COPS2: variants seen among roughly 807,000 people sequenced by gnomAD.
COPS2 encodes the protein COP9 signalosome subunit 2.
A neutral mutation model predicts 66.1 loss-of-function variants in COPS2; 10 were observed. The ratio of observed to expected loss-of-function variants is 0.15; its 90% CI spans 0.09 to 0.26. The LOEUF (loss-of-function observed/expected upper bound fraction) is 0.26, where lower values mean the gene tolerates loss of function less well. Among genes scored for constraint, COPS2 ranks in the 10% least tolerant of loss-of-function variants. The probability of loss-of-function intolerance (pLI) is 1.00; values close to 1 mark genes in which losing one functional copy is unlikely to be tolerated. For missense variants in COPS2, 215 were observed against 513.3 expected (o/e 0.42, Z 5.62); for synonymous variants, 179 against 171.3 (o/e 1.04, Z -0.35).
At chr15:49,141,461 G>A (rs1049371646) in intron 3 of COPS2, among the ~76,000 whole-genome samples, 6 of 151,948 alleles carry the variant, frequency 3.9e-5, no homozygotes, top group Middle Eastern at 3.4e-3. Context: ...CCAAGACTGC[G>A]CCACTGCACT....
intron 1 of COPS2, among the ~76,000 whole-genome samples, chr15:49,145,589 T>A (rs979879126): frequency 1.3e-5 from 2 of 152,158 alleles, no homozygotes; most frequent in Admixed American, 6.5e-5. Flanking sequence ...TATAATTATG[T>A]TAATAAGAAT....
intron 10 of COPS2, among the ~76,000 whole-genome samples, chr15:49,129,977 C>A (rs1260563845): frequency 6.6e-6 from 1 of 152,024 alleles, no homozygotes; most frequent in East Asian, 1.9e-4. Context: ...TACAATAGTT[C>A]TTAAAATTTT....
rs534088139 is a variant in COPS2, at chr15:49,144,873, A to G, written c.168+92T>C. ...GATAGGATAATTAAGTATTCAAAACACATTTCTGAGATAAAATCACCTGGG... is the reference window on the plus strand; with the variant it reads ...GATAGGATAATTAAGTATTCAAAACGCATTTCTGAGATAAAATCACCTGGG... On this transcript the variant is annotated intron_variant, in intron 2 of 12. Transcript: ENST00000388901. 4.3e-6 allele frequency: 3 copies of G among 690,376 alleles called. No homozygotes were observed. The African/African-American group carries it at 5.6e-5, about 13-fold the overall frequency. 42.8% of individuals were successfully genotyped at this position (690,376 alleles called of 1,614,324 possible).
intron 3 of COPS2, among the ~76,000 whole-genome samples, chr15:49,141,494 A>C (rs1302024619): frequency 6.6e-6 from 1 of 152,062 alleles, no homozygotes; most frequent in African/African-American, 2.4e-5. Flanking sequence ...ACAGAGCAAG[A>C]CTTCATCTCA....
rs370391204 is a variant in COPS2 at position 49,128,054 on chromosome 15, C to G, written c.1228G>C (p.Glu410Gln). 2 of 1,613,708 alleles carry G rather than the reference C, an allele frequency of 1.2e-6. No individual in the cohort carries two copies. The highest frequency in any genetic ancestry group is 1.7e-6 in the Non-Finnish European group (2 of 1,179,822). ...CCACCCCTCTTCTGATGATCCAGTT[C>G]AAGGAGTTGGTTGACTTGATCAATT... is the stretch of plus-strand genomic sequence containing the variant. ...GRIDQVNQLL[E>Q]LDHQKRGGAR... The change falls in exon 13 of 13, where the codon GAA becomes CAA. Residue 410 changes from glutamate to glutamine, a missense_variant. Glu to Gln is a conservative substitution (Grantham distance 29). Around this residue, in one of 5 missense-constraint regions of COPS2, gnomAD observed 42 missense variants for 55.9 expected, o/e 0.75. Coordinates refer to ENST00000388901, the MANE Select transcript of COPS2 (RefSeq NM_004236.4).
rs2084142849 is a variant in COPS2 at position 49,123,870 on chromosome 15, A to G, written c.*4080T>C. The G allele has an allele frequency of 6.6e-6, 1 of 152,200 alleles. No individual in the cohort carries two copies. The allele number at this position is 152,200 out of a possible 1,614,324, so 9.4% of individuals were successfully genotyped here. On this transcript the variant is annotated 3_prime_UTR_variant, in exon 13 of 13. Coordinates refer to ENST00000388901, the MANE Select transcript of COPS2 (RefSeq NM_004236.4). ...ATCTCCTTAAAATTCAAAAGCAAGT[A>G]AGTGATGCTAAACTTTAGCATTTTG...
At chr15:49,141,982 G>A (rs914707736) in intron 3 of COPS2, among the ~76,000 whole-genome samples, 2 of 152,154 alleles carry the variant, frequency 1.3e-5, no homozygotes, top group Non-Finnish European at 2.9e-5. Flanking sequence ...GAACCTACGA[G>A]TTAAACATTC....
intron 3 of COPS2, among the ~76,000 whole-genome samples, chr15:49,140,160 ATT>A (rs879828608): frequency 5.8e-5 from 8 of 138,620 alleles, no homozygotes; most frequent in Admixed American, 7.2e-5. Context: ...CTAATTTTGT[ATT>A]TTTTTTTTTT....
chr15:49,136,086 T>C (rs867951606), intron 6 of COPS2, among the ~76,000 whole-genome samples: 10 of 152,158 alleles, frequency 6.6e-5, no homozygotes, highest in African/African-American at 9.7e-5. Flanking sequence ...AACAAAACTA[T>C]TGAATATCTG....
At position 49,155,444 on chromosome 15, in the gene COPS2, GGA is replaced by G. The variant is rs2084419912; in HGVS notation, c.54+79_54+80del. 6 of 1,321,458 alleles carry G rather than the reference GGA, an allele frequency of 4.5e-6. No individual in the cohort carries two copies. The South Asian group carries it at 4.7e-5, about 10-fold the overall frequency. The allele number at this position is 1,321,458 out of a possible 1,614,324, so 81.9% of individuals were successfully genotyped here. ...GCTGTAAACGGCACATGCTCTACGG[GGA>G]GAGGCCGCGGGCGCCCCGGCCCGGA... On this transcript the variant is annotated intron_variant, in intron 1 of 12. Coordinates refer to ENST00000388901, the MANE Select transcript of COPS2 (RefSeq NM_004236.4).
intron 7 of COPS2, 40 bp downstream of exon 7, chr15:49,134,300 C>A: frequency 6.3e-7 from 1 of 1,583,876 alleles, no homozygotes; most frequent in Non-Finnish European, 8.6e-7. Flanking sequence ...ACTTTGATAT[C>A]TCCCCATGCC....
chr15:49,149,876 A>T (rs994471271), intron 1 of COPS2, among the ~76,000 whole-genome samples: 1 of 152,238 alleles, frequency 6.6e-6, no homozygotes, highest in African/African-American at 2.4e-5. Context: ...ACACGATTCA[A>T]ATCCTAGGTA....
Position 49,133,925 on chromosome 15 carries a change from C to T in COPS2, c.894+5G>A, listed in dbSNP as rs758235533. On this transcript the variant is annotated splice_donor_5th_base_variant and intron_variant, in intron 8 of 12. Transcript: ENST00000388901. ...AAGAGAAATTAACAATTAAAACACA[C>T]GTACCTCCTGTGAGTCAAATGGATT... 75 of 1,602,312 alleles carry T rather than the reference C, an allele frequency of 4.7e-5. No homozygotes were observed. The highest frequency in any genetic ancestry group is 1.7e-4 in the Middle Eastern group (1 of 6,030).
chr15:49,134,532 T>C lies in COPS2; in HGVS notation c.541-18A>G. The C allele has an allele frequency of 6.3e-7, 1 of 1,583,526 alleles. No individual in the cohort carries two copies. Among genetic ancestry groups the C allele is most frequent in the Admixed American group, 1.7e-5 (1 of 57,578 alleles). On this transcript the variant is annotated intron_variant, in intron 6 of 12. Transcript: ENST00000388901. Reference sequence around the variant, plus strand: ...TCATCAGTCTAGGAAAGCAAATATTTAACTTTAGACAAGATAGAATTCAGA... The same window carrying C: ...TCATCAGTCTAGGAAAGCAAATATTCAACTTTAGACAAGATAGAATTCAGA...
intron 2 of COPS2, 78 bp from the exon 3 acceptor site, chr15:49,144,382 GAATT>G (rs1157585736): frequency 7.3e-6 from 6 of 819,758 alleles, no homozygotes; most frequent in Non-Finnish European, 1.0e-5. Context: ...TGTAAGTATT[GAATT>G]AATTTTATAC....
intron 1 of COPS2, among the ~76,000 whole-genome samples, chr15:49,154,371 T>C (rs923169689): frequency 2.0e-5 from 3 of 152,158 alleles, no homozygotes; most frequent in Admixed American, 6.5e-5. Context: ...ATTATAAAAA[T>C]CTCTACTATG....
At chr15:49,155,067 A>G (rs2084408737) in intron 1 of COPS2, among the ~76,000 whole-genome samples, 1 of 152,260 alleles carries the variant, frequency 6.6e-6, no homozygotes, top group Non-Finnish European at 1.5e-5. Flanking sequence ...GCCTGGGAGC[A>G]GTAAGGACAC....
chr15:49,146,033 T>C (rs1250754832), intron 1 of COPS2, among the ~76,000 whole-genome samples: 1 of 152,150 alleles, frequency 6.6e-6, no homozygotes, highest in Non-Finnish European at 1.5e-5. Context: ...CAAATACAGG[T>C]AACAAATTTC....
chr15:49,145,649 A>C (rs2084315869), intron 1 of COPS2, among the ~76,000 whole-genome samples: 1 of 152,162 alleles, frequency 6.6e-6, no homozygotes, highest in South Asian at 2.1e-4. Context: ...ATGTTAACTT[A>C]ATCAGCTTTA....
Sources: allele counts gnomAD v4.1 joint callset (sites outside exome capture counted in the v4.1 genomes callset), GRCh38; gene constraint gnomAD v4.1.1; regional missense constraint gnomAD v4.1.1; transcripts MANE v1.5; gene names NCBI Gene and HGNC (gene_info 2026-07-23, HGNC 2026-07-21).